The following RIPOR2 variants were observed in gnomAD, a reference collection of about 807,000 sequenced individuals.
The protein encoded by RIPOR2 is rho family-interacting cell polarization regulator 2.
A neutral mutation model predicts 114.5 loss-of-function variants in RIPOR2; 39 were observed. The ratio of observed to expected loss-of-function variants is 0.34; its 90% CI spans 0.26 to 0.44. The LOEUF is 0.44. Among genes scored for constraint, RIPOR2 ranks in the 20% least tolerant of loss-of-function variants. The pLI, the probability that RIPOR2 is intolerant of heterozygous loss-of-function variation, is 1.00. For missense variants in RIPOR2, 1,007 were observed against 1,255.1 expected (o/e 0.80, Z 2.99); for synonymous variants, 445 against 484.4 (o/e 0.92, Z 1.07).
At position 25,031,743 on chromosome 6, in the gene RIPOR2, AT is replaced by A. The variant is rs1561855894; in HGVS notation, c.76+10107del. ...TATATATATATATATATATATATATATATATATAAAATATCCATAGAATATA... is the reference window on the plus strand; with the variant it reads ...TATATATATATATATATATATATATAATATATAAAATATCCATAGAATATA... On this transcript the variant is annotated intron_variant, in intron 1 of 13. Coordinates refer to the RIPOR2 transcript ENST00000510784. Among the ~76,000 whole-genome samples, 171 of 75,534 alleles carry A rather than the reference AT, an allele frequency of 2.3e-3. 4 individuals carry two copies. Among genetic ancestry groups the A allele is most frequent in the South Asian group, 4.6e-3 (10 of 2,182 alleles). The allele number at this position is 75,534 out of a possible 152,430, so 49.6% of individuals were successfully genotyped here.
At chr6:24,887,542 T>A (rs916892382) in intron 1 of RIPOR2, among the ~76,000 whole-genome samples, 6 of 152,252 alleles carry the variant, frequency 3.9e-5, no homozygotes, top group African/African-American at 1.4e-4. Context: ...AAATGGAATG[T>A]GCTAATAATA....
In RIPOR2 at chr6:25,022,532, A is replaced by ATTTTTTTTTTTT. The variant is rs10564019; in HGVS notation, c.76+19307_76+19318dup. On this transcript the variant is annotated intron_variant, in intron 1 of 13. Transcript: ENST00000510784. ...ACATATAACTAATGTGGTACCTTCC[A>ATTTTTTTTTTTT]TTTTTTTTTTTTTTTTTTTTTTTTT... Among the ~76,000 whole-genome samples the ATTTTTTTTTTTT allele has an allele frequency of 4.1e-4, 17 of 40,988 alleles. 3 individuals carry two copies. Among genetic ancestry groups the ATTTTTTTTTTTT allele is most frequent in the African/African-American group, 8.6e-4 (11 of 12,764 alleles). The allele number at this position is 40,988 out of a possible 152,430, so 26.9% of individuals were successfully genotyped here. A position where few individuals can be genotyped will look rare whatever the true frequency, so the allele number is the denominator to read the frequency against.
intron 1 of RIPOR2, among the ~76,000 whole-genome samples, chr6:24,922,798 C>T (rs552357023): frequency 1.4e-5 from 2 of 142,718 alleles, no homozygotes; most frequent in Non-Finnish European, 3.0e-5. Flanking sequence ...GAGGCAGAGG[C>T]TGCAGTGAGC....
chr6:24,946,527 C>G (rs1368541193), intron 1 of RIPOR2, among the ~76,000 whole-genome samples: 1 of 151,900 alleles, frequency 6.6e-6, no homozygotes, highest in Admixed American at 6.6e-5. Flanking sequence ...GAGCTAAGAT[C>G]GCACCACTGC....
chr6:24,967,756 A>G (rs987639742), intron 1 of RIPOR2, among the ~76,000 whole-genome samples: 1 of 152,142 alleles, frequency 6.6e-6, no homozygotes. Context: ...AAAGATAGGC[A>G]TTCTCATTAT....
At position 24,954,455 on chromosome 6, in the gene RIPOR2, C is replaced by CTTTTTTTTTTTTTTTTTTTTTTTTTTTTT. The variant is rs372356246; in HGVS notation, c.77-78639_77-78638insAAAAAAAAAAAAAAAAAAAAAAAAAAAAA. On this transcript the variant is annotated intron_variant, in intron 1 of 13. Coordinates refer to the RIPOR2 transcript ENST00000510784. ...AACTGTGCAGGCCCAGTCTCTCTCTCCTTTTTTTTTTTTTTTTTGAGACAG... is the reference window on the plus strand; with the variant it reads ...AACTGTGCAGGCCCAGTCTCTCTCTCTTTTTTTTTTTTTTTTTTTTTTTTTTTTTCTTTTTTTTTTTTTTTTTGAGACAG... Among the ~76,000 whole-genome samples the CTTTTTTTTTTTTTTTTTTTTTTTTTTTTT allele has an allele frequency of 1.7e-5, 2 of 116,252 alleles. 1 individual carries two copies. The highest frequency in any genetic ancestry group is 3.4e-5 in the Non-Finnish European group (2 of 58,480). 76.3% of individuals were successfully genotyped at this position (116,252 alleles called of 152,430 possible).
rs1408046163 is a variant in RIPOR2, at chr6:24,872,972, G to C, written c.345-13C>G. 6.3e-7 allele frequency: 1 copy of C among 1,575,238 alleles called. No homozygotes were observed. The highest frequency in any genetic ancestry group is 8.7e-7 in the Non-Finnish European group (1 of 1,145,146). On this transcript the variant is annotated splice_polypyrimidine_tract_variant and intron_variant, in intron 3 of 21. Coordinates refer to ENST00000643898, the MANE Select transcript of RIPOR2 (RefSeq NM_001286445.3). ...CTCCAGATATTCACTGCAAAGATAA[G>C]ACAAGATGTAATCGTAATCTCTGCG... is the stretch of plus-strand genomic sequence containing the variant.
chr6:24,902,492 C>T (rs1392718960), intron 1 of RIPOR2, among the ~76,000 whole-genome samples: 2 of 152,176 alleles, frequency 1.3e-5, no homozygotes, highest in Non-Finnish European at 2.9e-5. Flanking sequence ...GTAGGGATTA[C>T]ACGCGCAAGC....
chr6:24,829,542 T>G (rs1438652978), intron 17 of RIPOR2, among the ~76,000 whole-genome samples: 1 of 151,918 alleles, frequency 6.6e-6, no homozygotes. Context: ...CAGGAGAATC[T>G]CCTGAGCCCA....
chr6:25,005,738 T>TATATATACACATAC (rs34572978), intron 1 of RIPOR2, among the ~76,000 whole-genome samples: 1 of 70,700 alleles, frequency 1.4e-5, no homozygotes, highest in Non-Finnish European at 3.3e-5. Flanking sequence ...TATATATATA[T>TATATATACACATAC]ATACATTTAC....
At chr6:24,919,468 T>G (rs958284305) in intron 1 of RIPOR2, among the ~76,000 whole-genome samples, 1 of 152,212 alleles carries the variant, frequency 6.6e-6, no homozygotes, top group Admixed American at 6.5e-5. Flanking sequence ...AAATATCTTT[T>G]ATGGAATCCC....
intron 1 of RIPOR2, among the ~76,000 whole-genome samples, chr6:24,904,844 T>C (rs1768805120): frequency 6.6e-6 from 1 of 152,174 alleles, no homozygotes; most frequent in Non-Finnish European, 1.5e-5. Context: ...GTGTGATCCC[T>C]GCTTACTGCA....
At chr6:24,888,802 T>C (rs1299972742) in intron 1 of RIPOR2, among the ~76,000 whole-genome samples, 1 of 152,202 alleles carries the variant, frequency 6.6e-6, no homozygotes, top group Non-Finnish European at 1.5e-5. Context: ...TTTCTTTCTG[T>C]CCATCCTAAC....
chr6:24,865,159 T>C lies in RIPOR2; in HGVS notation c.651+142A>G, dbSNP rs961753490. On this transcript the variant is annotated intron_variant, in intron 7 of 21. Coordinates refer to ENST00000643898, the MANE Select transcript of RIPOR2 (RefSeq NM_001286445.3). Reference sequence around the variant, plus strand: ...TCTACCGATTGCCTTTCTTGCATACTTTTTAGGCTAACAGTAAAACCTATC... The same window carrying C: ...TCTACCGATTGCCTTTCTTGCATACCTTTTAGGCTAACAGTAAAACCTATC... 8 of 652,210 alleles carry C rather than the reference T, an allele frequency of 1.2e-5. No homozygotes were observed. In the African/African-American group the frequency reaches 1.5e-4, roughly 12 times the overall value. 40.4% of individuals were successfully genotyped at this position (652,210 alleles called of 1,614,324 possible).
At chr6:24,836,014 A>T in intron 14 of RIPOR2, 143 bp from the exon 15 acceptor site, 1 of 725,878 alleles carries the variant, frequency 1.4e-6, no homozygotes. Context: ...AGACACCTTT[A>T]AAAAATTACT....
intron 1 of RIPOR2, among the ~76,000 whole-genome samples, chr6:24,920,718 A>G (rs1426431087): frequency 6.6e-6 from 1 of 152,328 alleles, no homozygotes; most frequent in East Asian, 1.9e-4. Context: ...TATGTATACT[A>G]TAAACTTAAC....
intron 14 of RIPOR2, among the ~76,000 whole-genome samples, chr6:24,838,402 A>G (rs1761300508): frequency 6.6e-6 from 1 of 152,190 alleles, no homozygotes; most frequent in African/African-American, 2.4e-5. Flanking sequence ...ACCAGGCCCA[A>G]ATTTGTCATC....
chr6:25,032,408 G>T (rs142918419), intron 1 of RIPOR2, among the ~76,000 whole-genome samples: 296 of 152,182 alleles, frequency 1.9e-3, no homozygotes, highest in African/African-American at 5.5e-3. Context: ...TAAGCCACCT[G>T]CTCCCAAGCA....
Position 24,925,421 on chromosome 6 carries a change from A to G in RIPOR2, c.61+10417T>C, listed in dbSNP as rs186254721. Among the ~76,000 whole-genome samples the G allele has an allele frequency of 5.6e-3, 859 of 152,316 alleles. 5 individuals carry two copies. Among genetic ancestry groups the G allele is most frequent in the Middle Eastern group, 0.024 (7 of 294 alleles). ...CCAGAAGTGTAGAGAATTTAGGTTCAGGCTGGGCGCGGTGGGTCATGCCTG... is the reference window on the plus strand; with the variant it reads ...CCAGAAGTGTAGAGAATTTAGGTTCGGGCTGGGCGCGGTGGGTCATGCCTG... On this transcript the variant is annotated intron_variant, in intron 1 of 21. Coordinates refer to ENST00000643898, the MANE Select transcript of RIPOR2 (RefSeq NM_001286445.3).
Sources: gnomAD v4.1 joint callset for allele counts (sites outside exome capture counted in the v4.1 genomes callset) on GRCh38, gnomAD v4.1.1 for gene constraint, MANE v1.5 for transcripts, NCBI Gene and HGNC (gene_info 2026-07-23, HGNC 2026-07-21) for gene names.